The following TEX14 variants were observed in gnomAD, a reference collection of about 807,000 sequenced individuals.
The protein encoded by TEX14 is testis expressed 14, intercellular bridge forming factor, also known as inactive serine/threonine-protein kinase TEX14.
Under a neutral mutation model 178.6 loss-of-function variants are expected in TEX14, and 168 were observed. The ratio of observed to expected loss-of-function variants is 0.94; its 90% CI spans 0.83 to 1.07. The LOEUF (loss-of-function observed/expected upper bound fraction) is 1.07, where lower values mean the gene tolerates loss of function less well. TEX14 is among the 50% of genes least tolerant of loss of function. The pLI is 0.00. For missense variants in TEX14, 1,730 were observed against 1,753.6 expected (o/e 0.99, Z 0.24); for synonymous variants, 626 against 634.1 (o/e 0.99, Z 0.19).
intron 2 of TEX14, chr17:58,631,767 A>T (rs887319605): frequency 6.6e-6 from 1 of 152,084 alleles, no homozygotes; most frequent in Admixed American, 6.6e-5. Flanking sequence ...CGCGGTTTCC[A>T]GCGTTCTACA....
intron 1 of TEX14, chr17:58,666,400 A>C (rs1411638696): frequency 1.4e-5 from 2 of 143,026 alleles, no homozygotes; most frequent in African/African-American, 5.1e-5. Context: ...TGAGCGCATG[A>C]ATTCGGATGC....
At chr17:58,629,971 T>C (rs2046248300) in intron 3 of TEX14, among the ~76,000 whole-genome samples, 1 of 148,294 alleles carries the variant, frequency 6.7e-6, no homozygotes, top group Non-Finnish European at 1.5e-5. Context: ...CCTCCCAAAG[T>C]GCTGGGATTA....
Position 58,573,231 on chromosome 17 carries a change from G to A in TEX14, c.3461C>T (p.Thr1154Ile), listed in dbSNP as rs780339614. The A allele has an allele frequency of 3.1e-6, 5 of 1,614,130 alleles. No individual in the cohort carries two copies. In the Admixed American group the frequency reaches 5.0e-5, roughly 16 times the overall value. The change falls in exon 23 of 32, where the codon ACA becomes ATA. Residue 1154 changes from threonine (T) to isoleucine (I), a missense_variant. By Grantham distance (89) the Thr-to-Ile change is moderately conservative (BLOSUM62 -1). Around this residue, in one of 2 missense-constraint regions of TEX14, gnomAD observed 941 missense variants for 1,072.4 expected, o/e 0.88. Coordinates refer to ENST00000349033, the MANE Select transcript of TEX14 (RefSeq NM_031272.5). ...DSSFKEASCK[T>I]PKINHAPTSV... ...GGTAGGTGCATGGTTTATTTTGGGT[G>A]TTTTGCATGAAGCTTCCTTAAAAGA...
chr17:58,674,682 G>A (rs561808962), intron 1 of TEX14, among the ~76,000 whole-genome samples: 5 of 151,706 alleles, frequency 3.3e-5, no homozygotes, highest in African/African-American at 9.7e-5. Flanking sequence ...AAAACGAATA[G>A]AAACACTAAG....
intron 1 of TEX14, among the ~76,000 whole-genome samples, chr17:58,691,055 A>C (rs1314238186): frequency 1.3e-5 from 2 of 151,872 alleles, no homozygotes; most frequent in African/African-American, 4.8e-5. Flanking sequence ...GTGTTTCGCC[A>C]TGTTGTCGAG....
At chr17:58,593,524 T>A in intron 15 of TEX14, 31 bp downstream of exon 15, 1 of 1,521,616 alleles carries the variant, frequency 6.6e-7, no homozygotes, top group Non-Finnish European at 9.1e-7. Context: ...AAAGGCATAG[T>A]GACATTAAGA....
At chr17:58,614,092 G>C (rs890450160) in intron 8 of TEX14, among the ~76,000 whole-genome samples, 1 of 152,176 alleles carries the variant, frequency 6.6e-6, no homozygotes, top group African/African-American at 2.4e-5. Flanking sequence ...TGACAATGTG[G>C]CCAAGAGCTC....
At chr17:58,596,009 C>T (rs1459318597) in intron 14 of TEX14, among the ~76,000 whole-genome samples, 1 of 152,000 alleles carries the variant, frequency 6.6e-6, no homozygotes, top group South Asian at 2.1e-4. Context: ...ATGGTAAAAC[C>T]CCCTCTCTAC....
At chr17:58,601,735 T>C (rs1166785796) in intron 13 of TEX14, 71 bp downstream of exon 13, 1 of 1,396,200 alleles carries the variant, frequency 7.2e-7, no homozygotes, top group Non-Finnish European at 1.0e-6. Context: ...AGGAGTCAAT[T>C]AGTTGCAGCT....
At chr17:58,615,165 G>T in intron 8 of TEX14, 67 bp downstream of exon 8, 1 of 889,522 alleles carries the variant, frequency 1.1e-6, no homozygotes. Flanking sequence ...GCACAGAGCT[G>T]AATAGCCCAG....
intron 2 of TEX14, among the ~76,000 whole-genome samples, chr17:58,644,019 G>A (rs1452597075): frequency 1.3e-5 from 2 of 149,150 alleles, no homozygotes; most frequent in African/African-American, 2.5e-5. Context: ...TCACACCTGT[G>A]TTACATGACG....
At chr17:58,683,285 A>T (rs1345956353) in intron 1 of TEX14, among the ~76,000 whole-genome samples, 1 of 151,562 alleles carries the variant, frequency 6.6e-6, no homozygotes, top group Non-Finnish European at 1.5e-5. Context: ...AGGCAGGAGA[A>T]TTGCTCGAAC....
At chr17:58,677,942 G>C (rs933602320) in intron 1 of TEX14, among the ~76,000 whole-genome samples, 20 of 152,208 alleles carry the variant, frequency 1.3e-4, no homozygotes, top group African/African-American at 3.6e-4. Flanking sequence ...ACGAGGTCAG[G>C]AGTTCAAGAC....
chr17:58,608,069 G>A (rs771559256), intron 10 of TEX14, among the ~76,000 whole-genome samples: 1 of 152,122 alleles, frequency 6.6e-6, no homozygotes, highest in Non-Finnish European at 1.5e-5. Flanking sequence ...GATCGCATGA[G>A]TCCAGGAGTT....
intron 1 of TEX14, among the ~76,000 whole-genome samples, chr17:58,689,525 A>T (rs1321251298): frequency 2.0e-5 from 3 of 152,082 alleles, no homozygotes; most frequent in Admixed American, 6.6e-5. Context: ...GGCCTACCCC[A>T]TGTTTTATTA....
chr17:58,661,392 A>G, intron 1 of TEX14: 1 of 890,492 alleles, frequency 1.1e-6, no homozygotes, highest in Non-Finnish European at 1.9e-6. Flanking sequence ...ATCTCCTCCA[A>G]ATCTTCATTT....
chr17:58,603,886 A>AGTGTGTGTGTGTGT (rs1267658086), intron 11 of TEX14, among the ~76,000 whole-genome samples: 1 of 73,364 alleles, frequency 1.4e-5, no homozygotes, highest in Non-Finnish European at 2.4e-5. Context: ...ATGTGATTTT[A>AGTGTGTGTGTGTGT]CTGTGTGTGT....
At chr17:58,581,993 G>A (rs528669997) in intron 19 of TEX14, among the ~76,000 whole-genome samples, 2 of 152,186 alleles carry the variant, frequency 1.3e-5, no homozygotes, top group African/African-American at 2.4e-5. Flanking sequence ...GGGTGGAGAT[G>A]AGGTGACCGT....
At chr17:58,602,040 A>G (rs1289602430) in intron 12 of TEX14, 84 bp from the exon 13 acceptor site, 1 of 1,425,388 alleles carries the variant, frequency 7.0e-7, no homozygotes, top group Non-Finnish European at 9.7e-7. Context: ...TAAGTATCTG[A>G]TAAACTCCCT....
Sources: allele counts gnomAD v4.1 joint callset (sites outside exome capture counted in the v4.1 genomes callset), GRCh38; gene constraint gnomAD v4.1.1; regional missense constraint gnomAD v4.1.1; transcripts MANE v1.5; gene names NCBI Gene and HGNC (gene_info 2026-07-23, HGNC 2026-07-21).